Variants in CTXND1 observed in about 807,000 individuals in gnomAD.
CTXND1 encodes the protein cortexin domain-containing 1 protein.
chr15:80,214,720 G>A (rs1472788146), intron 1 of CTXND1, among the ~76,000 whole-genome samples: 2 of 152,150 alleles, frequency 1.3e-5, no homozygotes, highest in Non-Finnish European at 2.9e-5. Flanking sequence ...AATCAACTTA[G>A]GAAGTTGTAT....
chr15:80,229,224 C>A (rs2142133989), intron 1 of CTXND1, among the ~76,000 whole-genome samples: 1 of 152,316 alleles, frequency 6.6e-6, no homozygotes, highest in Admixed American at 6.5e-5. Flanking sequence ...GCCCCGCACC[C>A]TGACTGGGGC....
chr15:80,231,455 C>A (rs943991784), intron 1 of CTXND1, among the ~76,000 whole-genome samples: 2 of 151,828 alleles, frequency 1.3e-5, no homozygotes, highest in African/African-American at 4.8e-5. Context: ...CTGAATGCAG[C>A]TAATACCTCA....
chr15:80,208,553 A>G (rs1053540198), intron 1 of CTXND1, among the ~76,000 whole-genome samples: 12 of 152,316 alleles, frequency 7.9e-5, no homozygotes, highest in African/African-American at 2.9e-4. Flanking sequence ...CAGAATTTGC[A>G]ATTATTATGT....
chr15:80,234,366 G>A (rs779308981), intron 1 of CTXND1, among the ~76,000 whole-genome samples: 24 of 152,122 alleles, frequency 1.6e-4, no homozygotes, highest in Non-Finnish European at 3.1e-4. Context: ...TAGGTTCAGG[G>A]ATGGGTGGGA....
chr15:80,199,537 A>G lies in CTXND1; in HGVS notation c.*2233T>C, dbSNP rs2045015453. 6.6e-6 allele frequency: 1 copy of G among 152,336 alleles called. No homozygotes were observed. Among genetic ancestry groups the G allele is most frequent in the Admixed American group, 6.5e-5 (1 of 15,288 alleles). 9.4% of individuals were successfully genotyped at this position (152,336 alleles called of 1,614,324 possible). ...ACAGAAATGCCTGGCTTCTCAAGGT[A>G]GGCTTCAGAGTGAGGGCTGCTGCTG... On this transcript the variant is annotated 3_prime_UTR_variant, in exon 3 of 3. Transcript: ENST00000560778.
chr15:80,205,138 A>T (rs1212670178), intron 1 of CTXND1, among the ~76,000 whole-genome samples: 5 of 152,206 alleles, frequency 3.3e-5, no homozygotes. Flanking sequence ...TTAAAATTTA[A>T]CATATCTTGG....
intron 1 of CTXND1, among the ~76,000 whole-genome samples, chr15:80,207,745 G>C (rs193077143): frequency 6.6e-6 from 1 of 152,258 alleles, no homozygotes; most frequent in Admixed American, 6.5e-5. Context: ...TTCAATAAGG[G>C]GCTAAGCCCA....
Position 80,203,699 on chromosome 15 carries a change from A to G in CTXND1, c.-176T>C, listed in dbSNP as rs1893112279. 6.6e-6 allele frequency: 1 copy of G among 152,182 alleles called. No individual in the cohort carries two copies. The highest frequency in any genetic ancestry group is 1.5e-5 in the Non-Finnish European group (1 of 68,102). 9.4% of individuals were successfully genotyped at this position (152,182 alleles called of 1,614,324 possible). On this transcript the variant is annotated 5_prime_UTR_variant, in exon 2 of 3. Transcript: ENST00000560778. ...CAAGGAGAACAGTGGCCTTTCACTGAGAGCAGGCACTGTGCTGGCTCGTGG... is the reference window on the plus strand; with the variant it reads ...CAAGGAGAACAGTGGCCTTTCACTGGGAGCAGGCACTGTGCTGGCTCGTGG...
chr15:80,245,133 G>C (rs750368), intron 1 of CTXND1, among the ~76,000 whole-genome samples: 2 of 152,150 alleles, frequency 1.3e-5, no homozygotes, highest in Non-Finnish European at 2.9e-5. Context: ...CAGAGGGATC[G>C]TAAGACTAAC....
intron 1 of CTXND1, among the ~76,000 whole-genome samples, chr15:80,234,447 CAT>C (rs1247736242): frequency 1.3e-4 from 19 of 150,182 alleles, no homozygotes; most frequent in African/African-American, 4.2e-4. Context: ...CCTGAAATAA[CAT>C]GTATTATTCC....
intron 1 of CTXND1, among the ~76,000 whole-genome samples, chr15:80,251,779 C>T (rs982961434): frequency 2.6e-5 from 4 of 152,042 alleles, no homozygotes; most frequent in Non-Finnish European, 4.4e-5. Context: ...TCCGGCCCTC[C>T]CCGCCGACCG....
intron 1 of CTXND1, among the ~76,000 whole-genome samples, chr15:80,249,296 T>A (rs909196169): frequency 1.3e-5 from 2 of 152,170 alleles, no homozygotes; most frequent in Admixed American, 6.5e-5. Flanking sequence ...CTCTTTTCCA[T>A]CACGCCATCC....
chr15:80,207,740 T>A (rs1183576793), intron 1 of CTXND1, among the ~76,000 whole-genome samples: 1 of 152,224 alleles, frequency 6.6e-6, no homozygotes, highest in African/African-American at 2.4e-5. Context: ...CTCCATTCAA[T>A]AAGGGGCTAA....
intron 1 of CTXND1, among the ~76,000 whole-genome samples, chr15:80,222,251 G>A (rs1303184357): frequency 1.3e-5 from 2 of 151,980 alleles, no homozygotes; most frequent in Non-Finnish European, 2.9e-5. Flanking sequence ...TAGAAATGGC[G>A]ATATAATAAA....
At chr15:80,224,291 G>C (rs1893350253) in intron 1 of CTXND1, among the ~76,000 whole-genome samples, 1 of 152,154 alleles carries the variant, frequency 6.6e-6, no homozygotes, top group Admixed American at 6.5e-5. Context: ...GCCTAGCTGA[G>C]CCCACTTAAC....
chr15:80,239,547 C>CCCTCGAACAT (rs1238206733), intron 1 of CTXND1, among the ~76,000 whole-genome samples: 1 of 152,242 alleles, frequency 6.6e-6, no homozygotes, highest in East Asian at 1.9e-4. Context: ...CTGGATGCTT[C>CCCTCGAACAT]CTGCCCTCGA....
chr15:80,207,458 T>C (rs1439342089), intron 1 of CTXND1, among the ~76,000 whole-genome samples: 3 of 152,222 alleles, frequency 2.0e-5, no homozygotes, highest in African/African-American at 7.2e-5. Flanking sequence ...TTTAAAACAA[T>C]TTCCAGCCCT....
intron 1 of CTXND1, among the ~76,000 whole-genome samples, chr15:80,210,562 C>G (rs979938373): frequency 6.6e-6 from 1 of 152,180 alleles, no homozygotes; most frequent in African/African-American, 2.4e-5. Flanking sequence ...AATGATGAGA[C>G]AGTAGACGCT....
chr15:80,247,575 C>A lies in CTXND1; in HGVS notation c.-218+4432G>T, dbSNP rs191735553. Among the ~76,000 whole-genome samples the A allele has an allele frequency of 1.6e-3, 247 of 152,058 alleles. 2 individuals are homozygous for A. The highest frequency in any genetic ancestry group is 5.6e-3 in the African/African-American group (233 of 41,478). On this transcript the variant is annotated intron_variant, in intron 1 of 2. Coordinates refer to ENST00000560778, the MANE Select transcript of CTXND1 (RefSeq NM_001352888.2). ...TGACCCTTGGAACACTCAAATCCAC[C>A]CTCCTCACACTAACATAGAAACCCA...
Sources: allele counts gnomAD v4.1 joint callset (sites outside exome capture counted in the v4.1 genomes callset), GRCh38; gene constraint gnomAD v4.1.1; transcripts MANE v1.5; gene names NCBI Gene and HGNC (gene_info 2026-07-23, HGNC 2026-07-21).